The following TNS1 variants were observed in gnomAD, a reference collection of about 807,000 sequenced individuals.
The protein encoded by TNS1 is tensin 1, also known as tensin-1.
Under a neutral mutation model 168.6 loss-of-function variants are expected in TNS1, and 62 were observed. The ratio of observed to expected loss-of-function variants is 0.37; its 90% confidence interval spans 0.30 to 0.45. The LOEUF (loss-of-function observed/expected upper bound fraction) is 0.45. Ranked by LOEUF, TNS1 falls within the 20% of genes least tolerant of loss-of-function variation. TNS1 has a pLI of 1.00. For synonymous variants in TNS1, 934 were observed against 933.2 expected (o/e 1.00, Z -0.02); for missense variants, 2,240 against 2,339.4 (o/e 0.96, Z 0.88).
chr2:217,967,507 C>T (rs927019553), intron 3 of TNS1, among the ~76,000 whole-genome samples: 2 of 151,964 alleles, frequency 1.3e-5, no homozygotes, highest in African/African-American at 4.8e-5. Flanking sequence ...TACTACCAAC[C>T]TTTCAGAAAT....
At chr2:217,975,447 G>C (rs528478487) in intron 3 of TNS1, among the ~76,000 whole-genome samples, 2 of 151,974 alleles carry the variant, frequency 1.3e-5, no homozygotes, top group Non-Finnish European at 2.9e-5. Context: ...CAGAACTATC[G>C]CTTCGTGCTG....
chr2:217,832,894 T>A (rs1015698948), intron 21 of TNS1, among the ~76,000 whole-genome samples: 1 of 152,026 alleles, frequency 6.6e-6, no homozygotes, highest in Non-Finnish European at 1.5e-5. Context: ...AGGCCTCATG[T>A]CTCTGTCTAT....
chr2:217,961,484 GC>G (rs1369156874), intron 3 of TNS1, among the ~76,000 whole-genome samples: 1 of 152,108 alleles, frequency 6.6e-6, no homozygotes, highest in African/African-American at 2.4e-5. Context: ...CTGAAGCCAA[GC>G]CCTTGGCTTT....
chr2:217,817,685 C>A lies in TNS1; in HGVS notation c.4642+5G>T. 6.3e-7 allele frequency: 1 copy of A among 1,580,128 alleles called. No individual in the cohort carries two copies. The highest frequency in any genetic ancestry group is 1.1e-5 in the South Asian group (1 of 87,376). On this transcript the variant is annotated splice_donor_5th_base_variant and intron_variant, in intron 24 of 32. Transcript: ENST00000682258. ...GAGGTGAAAATGGAAGGGGGAGAGG[C>A]CCACCTGGCATGGAGTACTTGGAGA... is the stretch of plus-strand genomic sequence containing the variant.
intron 3 of TNS1, among the ~76,000 whole-genome samples, chr2:217,961,235 T>TCTCA (rs1233382317): frequency 3.9e-4 from 57 of 144,950 alleles, no homozygotes; most frequent in African/African-American, 4.7e-4. Flanking sequence ...TCTCTCTCTC[T>TCTCA]CACACACACA....
intron 11 of TNS1, 46 bp downstream of exon 11, chr2:217,892,902 C>T: frequency 6.3e-7 from 1 of 1,596,276 alleles, no homozygotes; most frequent in East Asian, 2.2e-5. Context: ...GGAGGGGGGT[C>T]ACACTGTCGA....
At chr2:217,838,020 T>C (rs558205734) in intron 19 of TNS1, among the ~76,000 whole-genome samples, 8 of 152,296 alleles carry the variant, frequency 5.3e-5, no homozygotes, top group East Asian at 1.9e-4. Context: ...GAAACAGACA[T>C]AGCCATTGAT....
Position 217,825,554 on chromosome 2 carries a change from T to C in TNS1, c.3374-3616A>G, listed in dbSNP as rs190032111. 2.9e-3 allele frequency among the ~76,000 whole-genome samples: 442 copies of C among 152,274 alleles called. 4 individuals carry two copies. The highest frequency in any genetic ancestry group is 2.5e-3 in the Non-Finnish European group (170 of 68,014). On this transcript the variant is annotated intron_variant, in intron 22 of 32. Transcript: ENST00000682258. Reference sequence around the variant, plus strand: ...CCACACATTAGGTAAGCAATTCACATTGCCCTACGCCCCACCCTTTTAAAG... The same window carrying C: ...CCACACATTAGGTAAGCAATTCACACTGCCCTACGCCCCACCCTTTTAAAG...
chr2:217,894,892 G>T (rs2125718778), intron 9 of TNS1, 114 bp downstream of exon 9: 1 of 1,010,908 alleles, frequency 9.9e-7, no homozygotes, highest in Non-Finnish European at 1.5e-6. Context: ...ATATAAGTCG[G>T]CACTCTGACA....
At chr2:218,007,566 T>C (rs922464707), upstream of TNS1, among the ~76,000 whole-genome samples, 2 of 74,936 alleles carry the variant, frequency 2.7e-5, no homozygotes, top group African/African-American at 1.1e-4. Context: ...GCTCGGGGGG[T>C]GGGGGGGGGG....
intron 4 of TNS1, among the ~76,000 whole-genome samples, chr2:217,910,645 C>A (rs1437651678): frequency 6.7e-6 from 1 of 149,594 alleles, no homozygotes; most frequent in Non-Finnish European, 1.5e-5. Context: ...CCCTCTGGAA[C>A]CAAAGCCCCT....
At chr2:217,854,112 T>G (rs1947842798) in intron 18 of TNS1, among the ~76,000 whole-genome samples, 1 of 152,162 alleles carries the variant, frequency 6.6e-6, no homozygotes, top group Non-Finnish European at 1.5e-5. Flanking sequence ...AATCTGCATT[T>G]TTGCCAGCTC....
chr2:217,993,381 T>C (rs1188654044), intron 1 of TNS1, among the ~76,000 whole-genome samples: 2 of 152,212 alleles, frequency 1.3e-5, no homozygotes, highest in Admixed American at 6.5e-5. Context: ...TCCACTTTAA[T>C]CAAGTGATCA....
chr2:218,032,382 C>T lies in TNS1; in HGVS notation c.156+1438G>A, dbSNP rs969728980. 1.3e-5 allele frequency among the ~76,000 whole-genome samples: 2 copies of T among 151,972 alleles called. No individual in the cohort carries two copies. Among genetic ancestry groups the T allele is most frequent in the African/African-American group, 4.8e-5 (2 of 41,380 alleles). On this transcript the variant is annotated intron_variant, in intron 1 of 1. Coordinates refer to the TNS1 transcript ENST00000649572. This position sits in a 1 kb window ranked among gnomAD's most constrained non-coding sequence, Gnocchi z 4.0. ...GAGGCAGCATGACAGGGGAAGGGGG[C>T]GATGTGGCCTGGGTAGGAGAGGGCT...
upstream of TNS1, among the ~76,000 whole-genome samples, chr2:218,003,970 C>T (rs1023909905): frequency 8.5e-5 from 13 of 152,104 alleles, no homozygotes; most frequent in East Asian, 5.8e-4. Context: ...AGTATTCCCA[C>T]GGAGCACTAA....
chr2:217,953,144 G>A (rs532384915), intron 3 of TNS1, among the ~76,000 whole-genome samples: 7 of 151,966 alleles, frequency 4.6e-5, no homozygotes, highest in African/African-American at 1.5e-4. Flanking sequence ...AGAGCAGCTC[G>A]GGCCCCTGGG....
intron 3 of TNS1, among the ~76,000 whole-genome samples, chr2:217,949,978 T>G (rs1372871380): frequency 6.6e-6 from 1 of 152,196 alleles, no homozygotes; most frequent in Non-Finnish European, 1.5e-5. Flanking sequence ...TAGGATATGC[T>G]TGCCCCCAAA....
At chr2:217,969,511 G>GA (rs57565075) in intron 3 of TNS1, among the ~76,000 whole-genome samples, 24 of 148,760 alleles carry the variant, frequency 1.6e-4, no homozygotes, top group South Asian at 4.2e-4. Context: ...CCAGAGAATA[G>GA]AAAAAAAAAA....
chr2:218,014,242 C>T (rs572646805), upstream of TNS1, among the ~76,000 whole-genome samples: 3 of 152,154 alleles, frequency 2.0e-5, no homozygotes, highest in Non-Finnish European at 4.4e-5. Context: ...GACCACTCCC[C>T]GGGGACCCCC....
Sources: gnomAD v4.1 joint callset for allele counts (sites outside exome capture counted in the v4.1 genomes callset) on GRCh38, gnomAD v4.1.1 for gene constraint, Gnocchi (gnomAD v3.1) non-coding constraint, MANE v1.5 for transcripts, NCBI Gene and HGNC (gene_info 2026-07-23, HGNC 2026-07-21) for gene names.